SMAD3: variants seen among roughly 807,000 people sequenced by gnomAD.
SMAD3 encodes SMAD family member 3, also known as MAD homolog 3.
A neutral mutation model predicts 51.8 loss-of-function variants in SMAD3; 12 were observed. The ratio of observed to expected loss-of-function variants is 0.23; its 90% CI spans 0.15 to 0.38. SMAD3 has a LOEUF of 0.38. Among genes scored for constraint, SMAD3 ranks in the 10% least tolerant of loss-of-function variants. The probability of loss-of-function intolerance (pLI) is 1.00; values close to 1 mark genes in which losing one functional copy is unlikely to be tolerated. For missense variants in SMAD3, 294 were observed against 565.6 expected (o/e 0.52, Z 4.87); for synonymous variants, 238 against 227.7 (o/e 1.05, Z -0.41).
Position 67,184,876 on chromosome 15 carries a change from G to A in SMAD3, c.1009+12G>A, listed in dbSNP as rs759087344. On this transcript the variant is annotated intron_variant, in intron 7 of 8. Transcript: ENST00000327367. ...CAAGATCCCACCAGGTAAACGAGCC[G>A]CACAGGCACCCCTGCCTTGAGGTCC... 22 of 1,612,232 alleles carry A rather than the reference G, an allele frequency of 1.4e-5. No homozygotes were observed. Among genetic ancestry groups the A allele is most frequent in the Admixed American group, 3.3e-5 (2 of 60,006 alleles).
Position 67,176,045 on chromosome 15 carries a change from G to C in SMAD3, c.659-5196G>C, listed in dbSNP as rs540808556. On this transcript the variant is annotated intron_variant, in intron 5 of 8. Coordinates refer to ENST00000327367, the MANE Select transcript of SMAD3 (RefSeq NM_005902.4). ...CCACTGTTCCTGGTTGCAGTATGCT[G>C]GTCATAAGCTAAAAGGGCATGGGGG... 8.5e-5 allele frequency among the ~76,000 whole-genome samples: 13 copies of C among 152,298 alleles called. No individual in the cohort carries two copies. In the East Asian group the frequency reaches 2.3e-3, roughly 27 times the overall value.
At chr15:67,140,136 GAA>G in intron 1 of SMAD3, among the ~76,000 whole-genome samples, 1 of 151,268 alleles carries the variant, frequency 6.6e-6, no homozygotes. Context: ...AAAAAAAAGA[GAA>G]AGAAAAGTGA....
At chr15:67,099,097 G>C (rs773280240) in intron 1 of SMAD3, 2 of 685,686 alleles carry the variant, frequency 2.9e-6, no homozygotes, top group African/African-American at 3.5e-5. Flanking sequence ...TAGAGAAAGT[G>C]GCTGTGACTT....
intron 1 of SMAD3, among the ~76,000 whole-genome samples, chr15:67,093,474 T>C (rs1960551276): frequency 6.6e-6 from 1 of 152,204 alleles, no homozygotes; most frequent in Admixed American, 6.5e-5. Context: ...GTCACGCTCC[T>C]GGCATCAGAT....
At chr15:67,081,755 T>C (rs886735335) in intron 1 of SMAD3, among the ~76,000 whole-genome samples, 4 of 152,100 alleles carry the variant, frequency 2.6e-5, no homozygotes, top group Non-Finnish European at 5.9e-5. Flanking sequence ...GGGGTCTCTT[T>C]AGGAAGAAAA....
At chr15:67,102,455 C>T (rs996041528) in intron 1 of SMAD3, among the ~76,000 whole-genome samples, 2 of 152,104 alleles carry the variant, frequency 1.3e-5, no homozygotes, top group African/African-American at 4.8e-5. Context: ...TGAAATGCAG[C>T]CCTTTAGAAA....
Position 67,192,070 on chromosome 15 carries a change from T to G in SMAD3, c.*1534T>G. On this transcript the variant is annotated 3_prime_UTR_variant, in exon 9 of 9. Transcript: ENST00000327367. ...AAATGACCTATCCCACGTTTTTGCA[T>G]GAATTTATAGCAGGAAAAATCAAGG... is the stretch of plus-strand genomic sequence containing the variant. 1 of 232,362 alleles carries G rather than the reference T, an allele frequency of 4.3e-6. No individual in the cohort carries two copies. The highest frequency in any genetic ancestry group is 8.5e-6 in the Non-Finnish European group (1 of 117,148). The allele number at this position is 232,362 out of a possible 1,614,324, so 14.4% of individuals were successfully genotyped here.
At chr15:67,078,983 A>ATT (rs57308445) in intron 1 of SMAD3, among the ~76,000 whole-genome samples, 26 of 147,308 alleles carry the variant, frequency 1.8e-4, no homozygotes, top group African/African-American at 4.5e-4. Context: ...ACATATTATT[A>ATT]TTTTTTTTTT....
At chr15:67,165,493 C>G (rs866400368) in intron 3 of SMAD3, 109 bp downstream of exon 3, 88 of 1,338,248 alleles carry the variant, frequency 6.6e-5, no homozygotes, top group Middle Eastern at 3.7e-4. Flanking sequence ...CCGCTCACCC[C>G]CTCTTTGCGC....
At chr15:67,190,046 C>A (rs1963319990) in intron 8 of SMAD3, among the ~76,000 whole-genome samples, 1 of 151,860 alleles carries the variant, frequency 6.6e-6, no homozygotes, top group African/African-American at 2.4e-5. Flanking sequence ...CAGATGGGAG[C>A]CAGGAAGCCC....
intron 1 of SMAD3, among the ~76,000 whole-genome samples, chr15:67,159,040 T>TA (rs1005534848): frequency 2.6e-5 from 4 of 152,148 alleles, no homozygotes; most frequent in Admixed American, 1.3e-4. Context: ...AATATTTCAT[T>TA]AAAAAAATTT....
intron 1 of SMAD3, among the ~76,000 whole-genome samples, chr15:67,096,640 C>CT (rs532008867): frequency 0.045 from 6,523 of 144,818 alleles, 413 homozygotes; most frequent in African/African-American, 0.15. Flanking sequence ...ATGATTGATA[C>CT]TTTTTTTTTT....
In SMAD3 at chr15:67,185,112, C is replaced by T. The variant is rs55894213; in HGVS notation, c.1009+248C>T. 0.45 allele frequency among the ~76,000 whole-genome samples: 68,867 copies of T among 152,008 alleles called. 15,986 individuals carry two copies. The highest frequency in any genetic ancestry group is 0.52 in the Non-Finnish European group (35,296 of 67,942). ...GTGGGTACCTGCCTGTTGCCCTGTG[C>T]GTAGATGCTCAGGCAGTATGGCTTC... On this transcript the variant is annotated intron_variant, in intron 7 of 8. Transcript: ENST00000327367.
intron 1 of SMAD3, among the ~76,000 whole-genome samples, chr15:67,144,904 G>T (rs747132531): frequency 2.6e-5 from 4 of 152,142 alleles, no homozygotes. Flanking sequence ...CTGCTCAGAG[G>T]ATTGCGTGAT....
chr15:67,106,933 A>G (rs999591704), intron 1 of SMAD3, among the ~76,000 whole-genome samples: 2 of 152,104 alleles, frequency 1.3e-5, no homozygotes, highest in Non-Finnish European at 2.9e-5. Context: ...ATCAAAACAT[A>G]TCATTCCCCA....
Position 67,187,499 on chromosome 15 carries a change from G to A in SMAD3, c.1144G>A (p.Ala382Thr). ...CATGAGCTTCGTCAAAGGCTGGGGA[G>A]CGGAGTACAGGTCAGTTATGGGTGC... is the stretch of plus-strand genomic sequence containing the variant. ...IRMSFVKGWG[A>T]EYRRQTVTST... is the part of the protein sequence containing the mutation. Residue 382 changes from alanine to threonine, a missense_variant, in exon 8 of 9, where the codon GCG becomes ACG. Transcript: ENST00000327367. 1.9e-6 allele frequency: 3 copies of A among 1,614,206 alleles called. No homozygotes were observed. The highest frequency in any genetic ancestry group is 2.5e-6 in the Non-Finnish European group (3 of 1,180,032).
chr15:67,103,579 C>G (rs892357328), intron 1 of SMAD3, among the ~76,000 whole-genome samples: 1 of 152,196 alleles, frequency 6.6e-6, no homozygotes, highest in Admixed American at 6.5e-5. Flanking sequence ...CCCTGAGTCC[C>G]ACTCACCCTC....
chr15:67,136,300 G>A (rs1295490130), intron 1 of SMAD3, among the ~76,000 whole-genome samples: 1 of 151,706 alleles, frequency 6.6e-6, no homozygotes, highest in Non-Finnish European at 1.5e-5. Context: ...CCTTTCATGT[G>A]AGGAAACACA....
chr15:67,156,681 T>C (rs1165406393), intron 1 of SMAD3, among the ~76,000 whole-genome samples: 1 of 109,420 alleles, frequency 9.1e-6, no homozygotes, highest in Non-Finnish European at 1.9e-5. Context: ...CTTAAATCCA[T>C]TGTTTATGCT....
Sources: gnomAD v4.1 joint callset for allele counts (sites outside exome capture counted in the v4.1 genomes callset) on GRCh38, gnomAD v4.1.1 for gene constraint, MANE v1.5 for transcripts, NCBI Gene and HGNC (gene_info 2026-07-23, HGNC 2026-07-21) for gene names.